HTR5A: variants seen among roughly 807,000 people sequenced by gnomAD.
The protein encoded by HTR5A is 5-hydroxytryptamine receptor 5A, also known as 5-HT-5.
HTR5A carries 21 observed loss-of-function variants against 24.3 expected under a neutral mutation model. The ratio of observed to expected loss-of-function variants is 0.86; its 90% CI spans 0.61 to 1.24. HTR5A has a LOEUF of 1.24. Among genes scored for constraint, HTR5A ranks in the 50% most tolerant of loss-of-function variants. The probability of loss-of-function intolerance (pLI) is 0.00; values close to 1 mark genes in which losing one functional copy is unlikely to be tolerated. For missense variants in HTR5A, 497 were observed against 489.5 expected, an observed-to-expected ratio of 1.02 and a Z score of -0.15; for synonymous variants, 260 against 213.7, an observed-to-expected ratio of 1.22 and a Z score of -1.89.
chr7:155,071,012 T>C lies in HTR5A; in HGVS notation c.113T>C (p.Val38Ala). 6.2e-7 allele frequency: 1 copy of C among 1,611,780 alleles called. No homozygotes were observed. ...DLRPSSPLLS[V>A]FGVLILTLLG... Reference sequence around the variant, plus strand: ...CGCCCCAGCTCGCCCCTGCTCTCGGTCTTCGGAGTGCTTATTCTCACCTTG... The same window carrying C: ...CGCCCCAGCTCGCCCCTGCTCTCGGCCTTCGGAGTGCTTATTCTCACCTTG... The change falls in exon 1 of 2, where the codon GTC (valine) becomes GCC (alanine). Residue 38 changes from valine (V) to alanine (A), a missense_variant. Val to Ala is a moderately conservative substitution (Grantham distance 64, BLOSUM62 0). Transcript: ENST00000287907.
chr7:155,081,266 C>T (rs1795413624), intron 1 of HTR5A, among the ~76,000 whole-genome samples: 1 of 152,072 alleles, frequency 6.6e-6, no homozygotes, highest in Admixed American at 6.6e-5. Context: ...AACTTCAATA[C>T]CCATTATTGA....
chr7:155,085,525 A>G lies in HTR5A; in HGVS notation c.*1038A>G, dbSNP rs1403162235. 2 of 152,308 alleles carry G rather than the reference A, an allele frequency of 1.3e-5. No individual in the cohort carries two copies. Among genetic ancestry groups the G allele is most frequent in the East Asian group, 3.9e-4 (2 of 5,192 alleles). The allele number at this position is 152,308 out of a possible 1,614,324, so 9.4% of individuals were successfully genotyped here. A position where few individuals can be genotyped will look rare whatever the true frequency, so the allele number is the denominator to read the frequency against. ...AGGAGGCCGAGGCTAGTAGGCAATG[A>G]AAAAGACAGAACAATGGTAAAATGC... On this transcript the variant is annotated 3_prime_UTR_variant, in exon 2 of 2. Coordinates refer to ENST00000287907, the MANE Select transcript of HTR5A (RefSeq NM_024012.4).
chr7:155,078,679 CATAAT>C (rs201033282), intron 1 of HTR5A, among the ~76,000 whole-genome samples: 1,532 of 150,352 alleles, frequency 0.01, 27 homozygotes, highest in African/African-American at 0.035. Flanking sequence ...AATTACTTTA[CATAAT>C]ATATTTTCTA....
chr7:155,073,903 A>G (rs62471935), intron 1 of HTR5A, among the ~76,000 whole-genome samples: 98,389 of 128,236 alleles, frequency 0.77, 40,154 homozygotes, highest in East Asian at 0.96. Flanking sequence ...ATATATATAT[A>G]TATATATATA....
chr7:155,079,936 C>T (rs1795398024), intron 1 of HTR5A, among the ~76,000 whole-genome samples: 1 of 152,168 alleles, frequency 6.6e-6, no homozygotes, highest in African/African-American at 2.4e-5. Flanking sequence ...TTGTAGGGGA[C>T]CCCAAGCAAA....
chr7:155,078,458 G>A (rs1795380929), intron 1 of HTR5A, among the ~76,000 whole-genome samples: 1 of 152,068 alleles, frequency 6.6e-6, no homozygotes, highest in South Asian at 2.1e-4. Flanking sequence ...GACTGCAAGT[G>A]TGTTCCATCA....
chr7:155,081,485 A>G (rs1795417431), intron 1 of HTR5A, among the ~76,000 whole-genome samples: 1 of 152,218 alleles, frequency 6.6e-6, no homozygotes, highest in Non-Finnish European at 1.5e-5. Flanking sequence ...CATTTAGAAA[A>G]AAATTTATAT....
chr7:155,084,263 G>T lies in HTR5A; in HGVS notation c.850G>T (p.Ala284Ser), dbSNP rs753686247. Residue 284 changes from alanine to serine, a missense_variant, in exon 2 of 2, where the codon GCC (alanine) becomes TCC (serine). Coordinates refer to ENST00000287907, the MANE Select transcript of HTR5A (RefSeq NM_024012.4). Reference sequence around the variant, plus strand: ...GCGGGAGCAGAAGGAGCAGCGGGCCGCCCTCATGGTGGGCATCCTCATTGG... The same window carrying T: ...GCGGGAGCAGAAGGAGCAGCGGGCCTCCCTCATGGTGGGCATCCTCATTGG... ...TWREQKEQRA[A>S]LMVGILIGVF... The T allele has an allele frequency of 1.2e-6, 2 of 1,614,096 alleles. No homozygotes were observed. The highest frequency in any genetic ancestry group is 1.7e-6 in the Non-Finnish European group (2 of 1,180,010).
At chr7:155,075,362 T>A (rs1563420289) in intron 1 of HTR5A, among the ~76,000 whole-genome samples, 1 of 152,230 alleles carries the variant, frequency 6.6e-6, no homozygotes, top group Non-Finnish European at 1.5e-5. Flanking sequence ...ATTTTTTAGA[T>A]CATCTGTTGA....
At chr7:155,076,882 C>G (rs1585121119) in intron 1 of HTR5A, among the ~76,000 whole-genome samples, 1 of 152,300 alleles carries the variant, frequency 6.6e-6, no homozygotes, top group Admixed American at 6.5e-5. Context: ...GAAGGCAAAG[C>G]CTCCAGGTTA....
chr7:155,072,756 G>A (rs1355150376), intron 1 of HTR5A, among the ~76,000 whole-genome samples: 1 of 152,202 alleles, frequency 6.6e-6, no homozygotes, highest in African/African-American at 2.4e-5. Context: ...TGCCCATGAA[G>A]AGTGTGGTCT....
chr7:155,082,975 A>C (rs1308269649), intron 1 of HTR5A, among the ~76,000 whole-genome samples: 1 of 152,182 alleles, frequency 6.6e-6, no homozygotes, highest in African/African-American at 2.4e-5. Flanking sequence ...ACTTGATGTT[A>C]TACTGTTTTG....
At chr7:155,071,906 T>C (rs1425863778) in intron 1 of HTR5A, among the ~76,000 whole-genome samples, 3 of 152,174 alleles carry the variant, frequency 2.0e-5, no homozygotes, top group Non-Finnish European at 4.4e-5. Flanking sequence ...ACTGCGTCAT[T>C]CTGCAGGGTC....
Position 155,071,401 on chromosome 7 carries a change from C to T in HTR5A, c.502C>T (p.Leu168Phe), listed in dbSNP as rs1795292642. ...CGTCATGATCGCGCTCACCTGGGCA[C>T]TCTCCGCTGTCATCTCTCTGGCCCC... ...SNVMIALTWA[L>F]SAVISLAPLL... The change falls in exon 1 of 2, where the codon CTC becomes TTC. Residue 168 changes from leucine to phenylalanine, a missense_variant. Leu to Phe is a conservative substitution (Grantham distance 22). Transcript: ENST00000287907. The T allele has an allele frequency of 3.1e-6, 5 of 1,614,064 alleles. No individual in the cohort carries two copies. The highest frequency in any genetic ancestry group is 1.7e-5 in the Admixed American group (1 of 60,012).
rs556160842 is a variant in HTR5A, at chr7:155,083,058, T to C, written c.742-1097T>C. ...TCAACTAACATTGCCTTAACCATAG[T>C]GTTCCTATTTTCACCTGTTATTCCA... On this transcript the variant is annotated intron_variant, in intron 1 of 1. Transcript: ENST00000287907. Among the ~76,000 whole-genome samples the C allele has an allele frequency of 2.0e-5, 3 of 152,274 alleles. No individual in the cohort carries two copies. In the East Asian group the frequency reaches 5.8e-4, roughly 29 times the overall value.
In HTR5A at chr7:155,070,787, C is replaced by T. The variant is rs889871789; in HGVS notation, c.-113C>T. ...ATTCACAGGCACTTTCCAGAAACTC[C>T]CCCACTGGCCAGAGGTTGCAAACAT... On this transcript the variant is annotated 5_prime_UTR_variant, in exon 1 of 2. Coordinates refer to ENST00000287907, the MANE Select transcript of HTR5A (RefSeq NM_024012.4). The T allele has an allele frequency of 2.7e-6, 3 of 1,126,210 alleles. No homozygotes were observed. The highest frequency in any genetic ancestry group is 3.8e-6 in the Non-Finnish European group (3 of 790,862). The allele number at this position is 1,126,210 out of a possible 1,614,324, so 69.8% of individuals were successfully genotyped here. A position where few individuals can be genotyped will look rare whatever the true frequency, so the allele number is the denominator to read the frequency against.
At position 155,085,304 on chromosome 7, in the gene HTR5A, G is replaced by C. The variant is rs957356727; in HGVS notation, c.*817G>C. On this transcript the variant is annotated 3_prime_UTR_variant, in exon 2 of 2. Transcript: ENST00000287907. Reference sequence around the variant, plus strand: ...TGTTTATTTGCTACTGGTTTCACGCGCGTGGACTATATTCCAGTGTTTCTA... The same window carrying C: ...TGTTTATTTGCTACTGGTTTCACGCCCGTGGACTATATTCCAGTGTTTCTA... The C allele has an allele frequency of 1.3e-5, 2 of 152,192 alleles. No homozygotes were observed. The highest frequency in any genetic ancestry group is 4.8e-5 in the African/African-American group (2 of 41,428). 9.4% of individuals were successfully genotyped at this position (152,192 alleles called of 1,614,324 possible). A position where few individuals can be genotyped will look rare whatever the true frequency, so the allele number is the denominator to read the frequency against.
chr7:155,070,511 A>C lies in HTR5A; in HGVS notation c.-389A>C, dbSNP rs1036627097. On this transcript the variant is annotated 5_prime_UTR_variant, in exon 1 of 2. Coordinates refer to ENST00000287907, the MANE Select transcript of HTR5A (RefSeq NM_024012.4). ...GTGAGAGCGACTGCTCTGACGCACCAGCCCCTCTCCTGCACCCACACGCTG... is the reference window on the plus strand; with the variant it reads ...GTGAGAGCGACTGCTCTGACGCACCCGCCCCTCTCCTGCACCCACACGCTG... 2.6e-6 allele frequency: 1 copy of C among 378,730 alleles called. No individual in the cohort carries two copies. The highest frequency in any genetic ancestry group is 5.2e-6 in the Non-Finnish European group (1 of 193,838). 23.5% of individuals were successfully genotyped at this position (378,730 alleles called of 1,614,324 possible).
Position 155,070,838 on chromosome 7 carries a change from C to A in HTR5A, c.-62C>A, listed in dbSNP as rs1465665453. The A allele has an allele frequency of 9.3e-6, 14 of 1,513,074 alleles. No homozygotes were observed. Among genetic ancestry groups the A allele is most frequent in the Non-Finnish European group, 1.2e-5 (14 of 1,125,878 alleles). The allele number at this position is 1,513,074 out of a possible 1,614,324, so 93.7% of individuals were successfully genotyped here. A position where few individuals can be genotyped will look rare whatever the true frequency, so the allele number is the denominator to read the frequency against. The stretch of plus-strand genomic sequence containing the variant: ...CCGGATTGGCTCTGGGCACAGTGGC[C>A]GCCTTAAGTCCTCCTGAACACCCCT... On this transcript the variant is annotated 5_prime_UTR_variant, in exon 1 of 2. Coordinates refer to ENST00000287907, the MANE Select transcript of HTR5A (RefSeq NM_024012.4).
Sources: gnomAD v4.1 joint callset for allele counts (sites outside exome capture counted in the v4.1 genomes callset) on GRCh38, gnomAD v4.1.1 for gene constraint, MANE v1.5 for transcripts, NCBI Gene and HGNC (gene_info 2026-07-23, HGNC 2026-07-21) for gene names.